The following B4GALNT1 variants were observed in gnomAD, a reference collection of about 807,000 sequenced individuals.
The protein encoded by B4GALNT1 is beta-1,4 N-acetylgalactosaminyltransferase 1.
Under a neutral mutation model 55.2 loss-of-function variants are expected in B4GALNT1, and 43 were observed. That is an observed-to-expected ratio of 0.78 (90% CI 0.61 to 1.00). The LOEUF is 1.00. Ranked by LOEUF, B4GALNT1 falls within the 50% of genes least tolerant of loss-of-function variation. B4GALNT1 has a pLI of 0.00. For synonymous variants in B4GALNT1, 305 were observed against 311.6 expected, an observed-to-expected ratio of 0.98 and a Z score of 0.22; for missense variants, 664 against 729.7, an observed-to-expected ratio of 0.91 and a Z score of 1.04.
In B4GALNT1 at chr12:57,624,835, C is replaced by T; in HGVS notation, c.*1909G>A. Reference sequence around the variant, plus strand: ...CAAAGAAGGAAGGGAAGATTAGCCCCAGACATTTCTCTGATCCTTTGACCT... The same window carrying T: ...CAAAGAAGGAAGGGAAGATTAGCCCTAGACATTTCTCTGATCCTTTGACCT... On this transcript the variant is annotated 3_prime_UTR_variant, in exon 11 of 11. Transcript: ENST00000341156. 1.2e-6 allele frequency: 2 copies of T among 1,601,720 alleles called. No individual in the cohort carries two copies. The highest frequency in any genetic ancestry group is 1.7e-6 in the Non-Finnish European group (2 of 1,168,644).
intron 10 of B4GALNT1, 73 bp downstream of exon 10, chr12:57,627,545 G>A: frequency 1.3e-6 from 2 of 1,508,230 alleles, no homozygotes; most frequent in Non-Finnish European, 8.9e-7. Flanking sequence ...AGCCTAGGAG[G>A]AGAGGCGCGT....
intron 8 of B4GALNT1, 46 bp downstream of exon 8, chr12:57,628,667 C>T: frequency 6.2e-7 from 1 of 1,609,070 alleles, no homozygotes; most frequent in South Asian, 1.1e-5. Flanking sequence ...GGGCACACCC[C>T]CTGCGGGAGT....
chr12:57,623,881 T>C lies in B4GALNT1; in HGVS notation c.*2863A>G, dbSNP rs1489727975. The C allele has an allele frequency of 5.0e-6, 8 of 1,614,006 alleles. No individual in the cohort carries two copies. The highest frequency in any genetic ancestry group is 5.9e-6 in the Non-Finnish European group (7 of 1,180,008). ...CACAGTGGTCCTGTCGGTGCTGCTG[T>C]GGCTGGGGCCCTTCTTTTACTATCT... On this transcript the variant is annotated 3_prime_UTR_variant, in exon 11 of 11. Transcript: ENST00000341156.
At position 57,628,750 on chromosome 12, in the gene B4GALNT1, C is replaced by T; in HGVS notation, c.965G>A (p.Gly322Asp). ...DDSDKPERVS[G>D]PYVEHYLMPF... ...CATGAGATAGTGTTCCACGTAGGGGCCACTAACGCGCTCTGGCTTGTCGCT... is the reference window on the plus strand; with the variant it reads ...CATGAGATAGTGTTCCACGTAGGGGTCACTAACGCGCTCTGGCTTGTCGCT... The change falls in exon 8 of 11, where the codon GGC becomes GAC. Residue 322 changes from glycine to aspartate, a missense_variant. Physicochemically the swap from Gly to Asp is moderately conservative, Grantham distance 94. Transcript: ENST00000341156. The T allele has an allele frequency of 6.2e-7, 1 of 1,614,266 alleles. No individual in the cohort carries two copies.
rs1884827691 is a variant in B4GALNT1, at chr12:57,626,650, T to G, written c.*94A>C. The G allele has an allele frequency of 7.1e-7, 1 of 1,400,120 alleles. No homozygotes were observed. The highest frequency in any genetic ancestry group is 1.7e-5 in the Admixed American group (1 of 58,642). 86.7% of individuals were successfully genotyped at this position (1,400,120 alleles called of 1,614,324 possible). On this transcript the variant is annotated 3_prime_UTR_variant, in exon 11 of 11. Coordinates refer to ENST00000341156, the MANE Select transcript of B4GALNT1 (RefSeq NM_001478.5). ...GAACTAGAGGCTCAGGGACAGCCAGTAGAGTGCTCACAGGGTGGTGGGGTT... is the reference window on the plus strand; with the variant it reads ...GAACTAGAGGCTCAGGGACAGCCAGGAGAGTGCTCACAGGGTGGTGGGGTT...
intron 8 of B4GALNT1, 31 bp from the exon 9 acceptor site, chr12:57,628,293 C>CTG: frequency 6.2e-7 from 1 of 1,612,910 alleles, no homozygotes; most frequent in Non-Finnish European, 8.5e-7. Flanking sequence ...GTTGGGGAGG[C>CTG]TGCAGAAATA....
At position 57,629,159 on chromosome 12, in the gene B4GALNT1, G is replaced by C. The variant is rs1885044000; in HGVS notation, c.713-13C>G. On this transcript the variant is annotated splice_polypyrimidine_tract_variant and intron_variant, in intron 6 of 10. Transcript: ENST00000341156. The stretch of plus-strand genomic sequence containing the variant: ...GTGGAGAACCGGACTGGGAAGAAAG[G>C]ACATGGCATTTGACCCTGAAGGGTG... 6.4e-7 allele frequency: 1 copy of C among 1,566,124 alleles called. No individual in the cohort carries two copies. Among genetic ancestry groups the C allele is most frequent in the Admixed American group, 1.9e-5 (1 of 53,926 alleles).
rs1884614994 is a variant in B4GALNT1 at position 57,623,849 on chromosome 12, TCTC to T, written c.*2892_*2894del. 2 of 1,613,866 alleles carry T rather than the reference TCTC, an allele frequency of 1.2e-6. No homozygotes were observed. The highest frequency in any genetic ancestry group is 1.7e-6 in the Non-Finnish European group (2 of 1,179,958). ...CCTTTTCTCTAGCTGGCAGGCCTCTTCTCCTGCACAGTGGTCCTGTCGGTGCTG... is the reference window on the plus strand; with the variant it reads ...CCTTTTCTCTAGCTGGCAGGCCTCTTCTGCACAGTGGTCCTGTCGGTGCTG... On this transcript the variant is annotated 3_prime_UTR_variant, in exon 11 of 11. Coordinates refer to ENST00000341156, the MANE Select transcript of B4GALNT1 (RefSeq NM_001478.5).
In B4GALNT1 at chr12:57,628,759, C is replaced by T. The variant is rs745356128; in HGVS notation, c.956G>A (p.Arg319His). ...VIADDSDKPE[R>H]VSGPYVEHYL... ...GTGTTCCACGTAGGGGCCACTAACG[C>T]GCTCTGGCTTGTCGCTGTCGTCAGC... The change falls in exon 8 of 11, where the codon CGC (arginine) becomes CAC (histidine). Residue 319 changes from arginine to histidine, a missense_variant. By Grantham distance (29) the Arg-to-His change is conservative. Transcript: ENST00000341156. 67 of 1,614,118 alleles carry T rather than the reference C, an allele frequency of 4.2e-5. No homozygotes were observed. The highest frequency in any genetic ancestry group is 5.3e-5 in the Non-Finnish European group (62 of 1,180,050).
In B4GALNT1 at chr12:57,628,751, C is replaced by T; in HGVS notation, c.964G>A (p.Gly322Ser). 6.2e-7 allele frequency: 1 copy of T among 1,614,260 alleles called. No individual in the cohort carries two copies. The highest frequency in any genetic ancestry group is 1.1e-5 in the South Asian group (1 of 91,086). The change falls in exon 8 of 11, where the codon GGC (glycine) becomes AGC (serine). Residue 322 changes from glycine (G) to serine (S), a missense_variant. Transcript: ENST00000341156. The stretch of plus-strand genomic sequence containing the variant: ...ATGAGATAGTGTTCCACGTAGGGGC[C>T]ACTAACGCGCTCTGGCTTGTCGCTG... ...DDSDKPERVSGPYVEHYLMPF... is the reference protein window; with the variant it reads ...DDSDKPERVSSPYVEHYLMPF...
Position 57,625,713 on chromosome 12 carries a change from G to A in B4GALNT1, c.*1031C>T, listed in dbSNP as rs377247316. The A allele has an allele frequency of 4.5e-5, 69 of 1,540,976 alleles. No individual in the cohort carries two copies. Among genetic ancestry groups the A allele is most frequent in the East Asian group, 6.8e-5 (3 of 44,406 alleles). On this transcript the variant is annotated 3_prime_UTR_variant, in exon 11 of 11. Transcript: ENST00000341156. Reference sequence around the variant, plus strand: ...GTTAAGGGGCAGTAGCACCAGGAGCGGGAGCCAGGAGGCACTGGGCTGCGG... The same window carrying A: ...GTTAAGGGGCAGTAGCACCAGGAGCAGGAGCCAGGAGGCACTGGGCTGCGG...
chr12:57,624,110 CATTACCCCCAG>C lies in B4GALNT1; in HGVS notation c.*2623_*2633del, dbSNP rs1166873790. The C allele has an allele frequency of 6.2e-7, 1 of 1,613,246 alleles. No individual in the cohort carries two copies. Among genetic ancestry groups the C allele is most frequent in the Non-Finnish European group, 8.5e-7 (1 of 1,179,550 alleles). ...GCCGAGTGGACTTTGTGAGAAATGC[CATTACCCCCAG>C]ATTGCCCCCTCTCATCTTGTTAGCA... On this transcript the variant is annotated 3_prime_UTR_variant, in exon 11 of 11. Coordinates refer to ENST00000341156, the MANE Select transcript of B4GALNT1 (RefSeq NM_001478.5).
intron 6 of B4GALNT1, chr12:57,629,724 A>G: frequency 7.1e-7 from 1 of 1,400,432 alleles, no homozygotes; most frequent in Non-Finnish European, 9.3e-7. Flanking sequence ...AAAGGCCCTA[A>G]GGTGGAAGCA....
At chr12:57,631,483 C>G in intron 2 of B4GALNT1, 119 bp from the exon 3 acceptor site, 3 of 1,155,898 alleles carry the variant, frequency 2.6e-6, no homozygotes, top group Non-Finnish European at 3.7e-6. Flanking sequence ...TAGGCTCTGT[C>G]CCCTTAAATG....
intron 8 of B4GALNT1, 187 bp downstream of exon 8, chr12:57,628,526 C>T: frequency 1.2e-6 from 1 of 842,102 alleles, no homozygotes; most frequent in Non-Finnish European, 1.8e-6. Flanking sequence ...CACTAAGCAC[C>T]ATTCTAAGAA....
At chr12:57,627,954 C>A in intron 9 of B4GALNT1, 96 bp from the exon 10 acceptor site, 1 of 1,468,438 alleles carries the variant, frequency 6.8e-7, no homozygotes, top group South Asian at 1.4e-5. Flanking sequence ...GTACCCCTGC[C>A]CCATCCTCTT....
rs1193691398 is a variant in B4GALNT1 at position 57,632,241 on chromosome 12, G to A, written c.-1-108C>T. 4.8e-6 allele frequency: 5 copies of A among 1,050,962 alleles called. No homozygotes were observed. The South Asian group carries it at 5.4e-5, about 11-fold the overall frequency. 65.1% of individuals were successfully genotyped at this position (1,050,962 alleles called of 1,614,324 possible). On this transcript the variant is annotated intron_variant, in intron 1 of 10. Transcript: ENST00000341156. ...GAGGCTCCTGCCGGCTCCCAAGAGC[G>A]CTCTCCACTCCACACATCGCGCTAG...
In B4GALNT1 at chr12:57,631,283, A is replaced by G; in HGVS notation, c.300T>C (p.Ile100=). 6.2e-7 allele frequency: 1 copy of G among 1,614,106 alleles called. No homozygotes were observed. Among genetic ancestry groups the G allele is most frequent in the Non-Finnish European group, 8.5e-7 (1 of 1,180,002 alleles). ...CAGGGTCAAAGGCCTTGGTGAGGTCAATAGCTCGGACTTGTTTCTGGAAGG... is the reference window on the plus strand; with the variant it reads ...CAGGGTCAAAGGCCTTGGTGAGGTCGATAGCTCGGACTTGTTTCTGGAAGG... ...PLPFQKQVRA[I]DLTKAFDPAE... Residue 100 remains isoleucine, a synonymous_variant, in exon 3 of 11, where the codon ATT becomes ATC. Transcript: ENST00000341156.
rs1158492149 is a variant in B4GALNT1, at chr12:57,626,587, C to T, written c.*157G>A. 1.2e-6 allele frequency: 1 copy of T among 849,194 alleles called. No individual in the cohort carries two copies. The highest frequency in any genetic ancestry group is 1.7e-5 in the African/African-American group (1 of 59,332). 52.6% of individuals were successfully genotyped at this position (849,194 alleles called of 1,614,324 possible). A position where few individuals can be genotyped will look rare whatever the true frequency, so the allele number is the denominator to read the frequency against. ...AAAAGGAGGGGTGTCACCAGGACAA[C>T]CCCTACTGGGCATCAGGTTCTGAAA... On this transcript the variant is annotated 3_prime_UTR_variant, in exon 11 of 11. Coordinates refer to ENST00000341156, the MANE Select transcript of B4GALNT1 (RefSeq NM_001478.5).
Sources: allele counts gnomAD v4.1 joint callset, GRCh38; gene constraint gnomAD v4.1.1; transcripts MANE v1.5; gene names NCBI Gene and HGNC (gene_info 2026-07-23, HGNC 2026-07-21).